The following MICU3 variants were observed in gnomAD, a reference collection of about 807,000 sequenced individuals.
MICU3 encodes mitochondrial calcium uptake 3.
In MICU3, 62 loss-of-function variants were observed where a neutral mutation model predicts 66.5. The observed-to-expected ratio is 0.93, with a 90% CI of 0.76 to 1.15. The LOEUF is 1.15. MICU3 is among the 50% of genes most tolerant of loss of function. MICU3 has a pLI of 0.00. For missense variants in MICU3, 779 were observed against 664.4 expected (o/e 1.17, Z -1.90); for synonymous variants, 308 against 240.7 (o/e 1.28, Z -2.59).
intron 11 of MICU3, among the ~76,000 whole-genome samples, chr8:17,107,431 A>G (rs1233146574): frequency 1.3e-5 from 2 of 152,126 alleles, no homozygotes; most frequent in Non-Finnish European, 2.9e-5. Context: ...TGGACAGGAA[A>G]ATTGTAGGCG....
Position 17,071,967 on chromosome 8 carries a change from TC to T in MICU3, c.567+2250del, listed in dbSNP as rs545979400. ...AGCCATTTCCTTATGATAATGATCC[TC>T]CAAATCTATCTATAAATTCAATGTA... On this transcript the variant is annotated intron_variant, in intron 3 of 14. Transcript: ENST00000318063. 3.2e-4 allele frequency among the ~76,000 whole-genome samples: 48 copies of T among 152,274 alleles called. No individual in the cohort carries two copies. The East Asian group carries it at 8.1e-3, about 26-fold the overall frequency.
At chr8:17,112,118 G>C (rs1165190933) in intron 11 of MICU3, among the ~76,000 whole-genome samples, 1 of 152,084 alleles carries the variant, frequency 6.6e-6, no homozygotes, top group Non-Finnish European at 1.5e-5. Flanking sequence ...GGGATTATAG[G>C]TCCCTCCCTC....
chr8:17,123,555 T>G (rs1214798252), downstream of MICU3, among the ~76,000 whole-genome samples: 1 of 152,052 alleles, frequency 6.6e-6, no homozygotes, highest in African/African-American at 2.4e-5. Context: ...ATGTATAGTA[T>G]TGAGCATGGG....
chr8:17,133,641 A>G, the MICU3 span, among the ~76,000 whole-genome samples: 2 of 152,142 alleles, frequency 1.3e-5, no homozygotes, highest in Non-Finnish European at 2.9e-5. Flanking sequence ...TTCTTTGCAT[A>G]TAACTAAAAA....
rs1269595157 is a variant in MICU3, at chr8:17,116,855, C to T, written c.1524+255C>T. Among the ~76,000 whole-genome samples the T allele has an allele frequency of 2.6e-5, 4 of 152,220 alleles. No homozygotes were observed. In the East Asian group the frequency reaches 5.8e-4, roughly 22 times the overall value. Reference sequence around the variant, plus strand: ...TCATAGTCAGTCTAATGTCTTCATCCTAGTTTGTGGAAGAAAAATGTTGCC... The same window carrying T: ...TCATAGTCAGTCTAATGTCTTCATCTTAGTTTGTGGAAGAAAAATGTTGCC... On this transcript the variant is annotated intron_variant, in intron 13 of 14. Coordinates refer to ENST00000318063, the MANE Select transcript of MICU3 (RefSeq NM_181723.3).
At chr8:17,114,271 A>C (rs1295110518) in intron 12 of MICU3, 70 bp downstream of exon 12, 1 of 938,440 alleles carries the variant, frequency 1.1e-6, no homozygotes, top group Non-Finnish European at 1.7e-6. Flanking sequence ...TTTGGCAACC[A>C]ATTAATTAAA....
At position 17,040,080 on chromosome 8, in the gene MICU3, G is replaced by A. The variant is rs977204034; in HGVS notation, c.381+12420G>A. Reference sequence around the variant, plus strand: ...GCGCCAGCACGCCTGGCTAATTTTTGTATTTTTAGTAGAGACGGGGTTTCT... The same window carrying A: ...GCGCCAGCACGCCTGGCTAATTTTTATATTTTTAGTAGAGACGGGGTTTCT... On this transcript the variant is annotated intron_variant, in intron 1 of 14. Coordinates refer to ENST00000318063, the MANE Select transcript of MICU3 (RefSeq NM_181723.3). Among the ~76,000 whole-genome samples the A allele has an allele frequency of 2.0e-5, 3 of 151,806 alleles. No individual in the cohort carries two copies. In the South Asian group the frequency reaches 6.3e-4, roughly 32 times the overall value.
rs1229111077 is a variant in MICU3, at chr8:17,122,117, A to G, written c.*1830A>G. On this transcript the variant is annotated 3_prime_UTR_variant, in exon 15 of 15. Transcript: ENST00000318063. The stretch of plus-strand genomic sequence containing the variant: ...TGTCATTTTCCCAAGGAAGAATAGC[A>G]TTGTACATATGCAATCTTTATTTTA... 6.6e-6 allele frequency: 1 copy of G among 151,898 alleles called. No individual in the cohort carries two copies. Among genetic ancestry groups the G allele is most frequent in the East Asian group, 1.9e-4 (1 of 5,198 alleles). 9.4% of individuals were successfully genotyped at this position (151,898 alleles called of 1,614,324 possible).
intron 1 of MICU3, among the ~76,000 whole-genome samples, chr8:17,031,413 G>A (rs1282442142): frequency 4.0e-5 from 6 of 151,496 alleles, no homozygotes; most frequent in African/African-American, 1.5e-4. Context: ...AGCCTCCCAA[G>A]TAGCTAGGAT....
chr8:17,036,190 G>A (rs1812949418), intron 1 of MICU3, among the ~76,000 whole-genome samples: 1 of 152,122 alleles, frequency 6.6e-6, no homozygotes, highest in Non-Finnish European at 1.5e-5. Flanking sequence ...CCTTTGCGGT[G>A]AGTGTTACAG....
chr8:17,114,790 T>G (rs1802527022), intron 12 of MICU3, among the ~76,000 whole-genome samples: 1 of 152,170 alleles, frequency 6.6e-6, no homozygotes, highest in South Asian at 2.1e-4. Context: ...TGATTTTACC[T>G]GTCTCTGCCA....
At chr8:17,130,272 C>G in the MICU3 span, among the ~76,000 whole-genome samples, 1 of 152,102 alleles carries the variant, frequency 6.6e-6, no homozygotes, top group South Asian at 2.1e-4. Context: ...CACCTGTAAT[C>G]CCAGCACTTT....
rs35133600 is a variant in MICU3 at position 17,039,895 on chromosome 8, C to CTTTT, written c.381+12261_381+12264dup. Among the ~76,000 whole-genome samples the CTTTT allele has an allele frequency of 6.4e-3, 401 of 62,548 alleles. 92 individuals carry two copies. The highest frequency in any genetic ancestry group is 7.8e-3 in the Non-Finnish European group (288 of 36,838). The allele number at this position is 62,548 out of a possible 152,430, so 41.0% of individuals were successfully genotyped here. On this transcript the variant is annotated intron_variant, in intron 1 of 14. Coordinates refer to ENST00000318063, the MANE Select transcript of MICU3 (RefSeq NM_181723.3). The stretch of plus-strand genomic sequence containing the variant: ...ATGAAGGTATCCATCATCTTGCATT[C>CTTTT]TTTTTTTTTTTTTTTTTTTTTTTTT...
intron 1 of MICU3, among the ~76,000 whole-genome samples, chr8:17,035,542 GT>G (rs1027885993): frequency 2.6e-5 from 4 of 152,212 alleles, no homozygotes; most frequent in Non-Finnish European, 4.4e-5. Flanking sequence ...CTCTTGGTAT[GT>G]TTTAGCAAAG....
chr8:17,119,437 G>T (rs2150843614), intron 14 of MICU3, among the ~76,000 whole-genome samples: 2 of 151,870 alleles, frequency 1.3e-5, no homozygotes, highest in African/African-American at 4.8e-5. Flanking sequence ...GTTTTTATTA[G>T]TTAGATTTCT....
the MICU3 span, among the ~76,000 whole-genome samples, chr8:17,130,577 G>A: frequency 0.28 from 42,947 of 152,018 alleles, 6,644 homozygotes; most frequent in South Asian, 0.45. Flanking sequence ...GCATTGCTGC[G>A]TTTATCATTA....
intron 3 of MICU3, among the ~76,000 whole-genome samples, chr8:17,072,668 T>G (rs7010844): frequency 6.6e-6 from 1 of 151,832 alleles, no homozygotes; most frequent in Non-Finnish European, 1.5e-5. Flanking sequence ...TAAAAAAGAT[T>G]ATGGCTTAAT....
intron 4 of MICU3, 51 bp downstream of exon 4, chr8:17,077,912 A>G: frequency 3.8e-6 from 4 of 1,064,952 alleles, no homozygotes; most frequent in Middle Eastern, 2.9e-4. Flanking sequence ...TATGTATACT[A>G]TTTATATATG....
the MICU3 span, among the ~76,000 whole-genome samples, chr8:17,134,430 CT>C: frequency 8.6e-5 from 10 of 115,904 alleles, no homozygotes; most frequent in East Asian, 3.3e-4. Flanking sequence ...GAAAGTCAGC[CT>C]TTTGTTTGTT....
Sources: gnomAD v4.1 joint callset for allele counts (sites outside exome capture counted in the v4.1 genomes callset) on GRCh38, gnomAD v4.1.1 for gene constraint, MANE v1.5 for transcripts, NCBI Gene and HGNC (gene_info 2026-07-23, HGNC 2026-07-21) for gene names.